DENND3: variants seen among roughly 807,000 people sequenced by gnomAD.
DENND3 encodes the protein DENN domain-containing protein 3.
A neutral mutation model predicts 135.1 loss-of-function variants in DENND3; 88 were observed. The observed-to-expected ratio is 0.65, with a 90% CI of 0.55 to 0.78. The LOEUF is 0.78. Ranked by LOEUF, DENND3 falls within the 30% of genes least tolerant of loss-of-function variation. The pLI is 0.00. For missense variants in DENND3, 1,392 were observed against 1,688.4 expected (o/e 0.82, Z 3.08); for synonymous variants, 693 against 712.3 (o/e 0.97, Z 0.43).
At chr8:141,140,319 C>T (rs1213694569) in intron 3 of DENND3, among the ~76,000 whole-genome samples, 1 of 152,184 alleles carries the variant, frequency 6.6e-6, no homozygotes, top group East Asian at 1.9e-4. Context: ...GTAGCTCCAG[C>T]TCCTCCCGGG....
chr8:141,182,930 G>A lies in DENND3; in HGVS notation c.2944+2076G>A, dbSNP rs540461063. On this transcript the variant is annotated intron_variant, in intron 17 of 22. Coordinates refer to ENST00000519811, the MANE Select transcript of DENND3 (RefSeq NM_001352890.3). The surrounding 1 kb of genome is among the most constrained non-coding windows in gnomAD (Gnocchi z 5.9). ...ATGGGAGCAACAGACCACTGGAATC[G>A]CACCCCAGAAAGACCGGGAGGCCTG... Among the ~76,000 whole-genome samples, 3 of 152,342 alleles carry A rather than the reference G, an allele frequency of 2.0e-5. No individual in the cohort carries two copies. Among genetic ancestry groups the A allele is most frequent in the South Asian group, 2.1e-4 (1 of 4,832 alleles).
chr8:141,158,344 G>A (rs994711449), intron 8 of DENND3: 4 of 1,226,712 alleles, frequency 3.3e-6, no homozygotes, highest in Non-Finnish European at 4.2e-6. Context: ...ATAGAACTGA[G>A]CTTTGTGAGA....
At chr8:141,176,280 AAC>A (rs1225570318) in intron 14 of DENND3, 9 of 217,958 alleles carry the variant, frequency 4.1e-5, no homozygotes, top group Admixed American at 1.8e-4. Context: ...AAAAAACAAA[AAC>A]AAAACAAAAA....
At chr8:141,135,398 C>T (rs371094653) in intron 1 of DENND3, among the ~76,000 whole-genome samples, 61 of 152,284 alleles carry the variant, frequency 4.0e-4, no homozygotes, top group African/African-American at 1.3e-3. Context: ...GCAGTCCTCC[C>T]GCTTTGGCCT....
rs1225044371 is a variant in DENND3 at position 141,161,080 on chromosome 8, AC to A, written c.1352+294del. 2.5e-3 allele frequency among the ~76,000 whole-genome samples: 356 copies of A among 144,786 alleles called. 3 individuals are homozygous for A. Among genetic ancestry groups the A allele is most frequent in the Admixed American group, 0.022 (321 of 14,620 alleles). The allele number at this position is 144,786 out of a possible 152,430, so 95.0% of individuals were successfully genotyped here. On this transcript the variant is annotated intron_variant, in intron 9 of 22. Coordinates refer to ENST00000519811, the MANE Select transcript of DENND3 (RefSeq NM_001352890.3). ...GTGACTGTGCCTTACTACCTTACTA[AC>A]GCCCTCTCCTGGTGACCCCCTGCAG...
rs917625435 is a variant in DENND3 at position 141,194,514 on chromosome 8, C to G, written c.*281C>G. On this transcript the variant is annotated 3_prime_UTR_variant, in exon 23 of 23. Transcript: ENST00000519811. ...GGTGATAACCTCTGCTGGGAGGTTA[C>G]TTTGTTGCCTAGAAAGTTCTGGAAT... 1 of 426,602 alleles carries G rather than the reference C, an allele frequency of 2.3e-6. No homozygotes were observed. Among genetic ancestry groups the G allele is most frequent in the Non-Finnish European group, 4.3e-6 (1 of 232,978 alleles). The allele number at this position is 426,602 out of a possible 1,614,324, so 26.4% of individuals were successfully genotyped here.
rs1167865586 is a variant in DENND3 at position 141,151,747 on chromosome 8, C to T, written c.984C>T (p.Pro328=). ...YPLQWQHPFV[P]ILSDQMLDFV... is the part of the protein sequence containing the mutation. ...TGCAGTGGCAGCACCCCTTCGTGCCCATCCTGTCGGACCAGATGCTGGATT... is the reference window on the plus strand; with the variant it reads ...TGCAGTGGCAGCACCCCTTCGTGCCTATCCTGTCGGACCAGATGCTGGATT... The change falls in exon 7 of 23, where the codon CCC becomes CCT. Residue 328 remains proline (P), a synonymous_variant. Coordinates refer to ENST00000519811, the MANE Select transcript of DENND3 (RefSeq NM_001352890.3). 7.4e-6 allele frequency: 12 copies of T among 1,614,214 alleles called. No individual in the cohort carries two copies. In the East Asian group the frequency reaches 2.7e-4, roughly 36 times the overall value.
rs770380609 is a variant in DENND3 at position 141,155,931 on chromosome 8, CTGA to C, written c.1160_1162del (p.Asp387del). ...TCCACGGACGATAACGTGGACATTC[CTGA>C]TGTCCCCCTCCTGGCAGCCCAGACG... On this transcript the variant is annotated inframe_deletion, in exon 8 of 23. Coordinates refer to ENST00000519811, the MANE Select transcript of DENND3 (RefSeq NM_001352890.3). 5 of 1,612,340 alleles carry C rather than the reference CTGA, an allele frequency of 3.1e-6. No homozygotes were observed. The Admixed American group carries it at 6.7e-5, about 22-fold the overall frequency.
chr8:141,151,763 A>G lies in DENND3; in HGVS notation c.1000A>G (p.Met334Val), dbSNP rs1287476990. The G allele has an allele frequency of 6.2e-7, 1 of 1,614,138 alleles. No homozygotes were observed. Among genetic ancestry groups the G allele is most frequent in the Admixed American group, 1.7e-5 (1 of 60,022 alleles). Reference protein sequence around the residue: ...HPFVPILSDQMLDFVMAPTSF... With the variant: ...HPFVPILSDQVLDFVMAPTSF... Reference sequence around the variant, plus strand: ...CTTCGTGCCCATCCTGTCGGACCAGATGCTGGATTTCGTCATGGCCCCCAC... The same window carrying G: ...CTTCGTGCCCATCCTGTCGGACCAGGTGCTGGATTTCGTCATGGCCCCCAC... Residue 334 changes from methionine (M) to valine (V), a missense_variant, in exon 7 of 23, where the codon ATG becomes GTG. Transcript: ENST00000519811.
chr8:141,145,818 TATATATATATATATATATATATATATATA>T lies in DENND3; in HGVS notation c.735+1560_735+1588del, dbSNP rs1446961450. On this transcript the variant is annotated intron_variant, in intron 5 of 22. Transcript: ENST00000519811. ...ATATTGAATATTATATATATATATA[TATATATATATATATATATATATATATATA>T]TATGTATTTTTTTTTTTTTGAGGCG... Among the ~76,000 whole-genome samples the T allele has an allele frequency of 1.3e-3, 38 of 30,210 alleles. 2 individuals carry two copies. Among genetic ancestry groups the T allele is most frequent in the African/African-American group, 9.7e-3 (37 of 3,816 alleles). 19.8% of individuals were successfully genotyped at this position (30,210 alleles called of 152,430 possible).
At chr8:141,173,662 CG>C (rs1785624948) in intron 13 of DENND3, 1 of 152,224 alleles carries the variant, frequency 6.6e-6, no homozygotes, top group Non-Finnish European at 1.5e-5. Flanking sequence ...CGGAACAGGG[CG>C]TGGCGGAGCT....
intron 8 of DENND3, among the ~76,000 whole-genome samples, chr8:141,159,256 C>T (rs1000191864): frequency 2.6e-5 from 4 of 152,222 alleles, no homozygotes; most frequent in African/African-American, 9.6e-5. Flanking sequence ...TTTCCTGTCC[C>T]TGCCTCCAGG....
rs545717154 is a variant in DENND3, at chr8:141,140,596, T to C, written c.502-607T>C. Among the ~76,000 whole-genome samples the C allele has an allele frequency of 2.0e-5, 3 of 152,340 alleles. No individual in the cohort carries two copies. The South Asian group carries it at 6.2e-4, about 32-fold the overall frequency. ...GATAGACAAATGATGTAGCTGACTG[T>C]TTCCTGATGTCTCCCTTTACCTGGA... On this transcript the variant is annotated intron_variant, in intron 3 of 22. Transcript: ENST00000519811.
At chr8:141,187,594 G>C (rs1824064998) in intron 18 of DENND3, among the ~76,000 whole-genome samples, 1 of 152,180 alleles carries the variant, frequency 6.6e-6, no homozygotes, top group African/African-American at 2.4e-5. Flanking sequence ...GGCACAGTAT[G>C]TGCTTGCAAA....
Position 141,145,828 on chromosome 8 carries a change from TATATATATATATATATATATA to T in DENND3, c.735+1570_735+1590del, listed in dbSNP as rs1237641622. ...TTATATATATATATATATATATATA[TATATATATATATATATATATA>T]TGTATTTTTTTTTTTTTGAGGCGGA... On this transcript the variant is annotated intron_variant, in intron 5 of 22. Coordinates refer to ENST00000519811, the MANE Select transcript of DENND3 (RefSeq NM_001352890.3). 7.1e-3 allele frequency among the ~76,000 whole-genome samples: 647 copies of T among 90,682 alleles called. 22 individuals are homozygous for T. The highest frequency in any genetic ancestry group is 0.045 in the East Asian group (95 of 2,118). 59.5% of individuals were successfully genotyped at this position (90,682 alleles called of 152,430 possible).
chr8:141,164,788 G>A (rs1228167981), intron 10 of DENND3, among the ~76,000 whole-genome samples: 1 of 152,184 alleles, frequency 6.6e-6, no homozygotes, highest in East Asian at 1.9e-4. Flanking sequence ...CTCAGTGCTG[G>A]AGCTGCGCCA....
In DENND3 at chr8:141,144,395, C is replaced by A; in HGVS notation, c.735+136C>A. The A allele has an allele frequency of 1.1e-6, 1 of 875,962 alleles. No homozygotes were observed. The highest frequency in any genetic ancestry group is 1.7e-6 in the Non-Finnish European group (1 of 605,280). 54.3% of individuals were successfully genotyped at this position (875,962 alleles called of 1,614,324 possible). ...CTAAAATAACATCCTAACCCCCCCG[C>A]CTCCCCACAGCTGACTGACTGGACC... On this transcript the variant is annotated intron_variant, in intron 5 of 22. Coordinates refer to ENST00000519811, the MANE Select transcript of DENND3 (RefSeq NM_001352890.3). The surrounding 1 kb of genome is among the most constrained non-coding windows in gnomAD (Gnocchi z 4.4).
At chr8:141,171,929 GT>G (rs1821629390) in intron 13 of DENND3, among the ~76,000 whole-genome samples, 1 of 151,480 alleles carries the variant, frequency 6.6e-6, no homozygotes, top group Non-Finnish European at 1.5e-5. Flanking sequence ...GGTGTGCATG[GT>G]GGTGGTGTGC....
At position 141,168,486 on chromosome 8, in the gene DENND3, G is replaced by A. The variant is rs200436717; in HGVS notation, c.2236G>A (p.Ala746Thr). Residue 746 changes from alanine to threonine, a missense_variant, in exon 13 of 23, where the codon GCC becomes ACC. Ala to Thr is a moderately conservative substitution (Grantham distance 58). Coordinates refer to ENST00000519811, the MANE Select transcript of DENND3 (RefSeq NM_001352890.3). This position sits in a 1 kb window ranked among gnomAD's most constrained non-coding sequence, Gnocchi z 6.2. Reference sequence around the variant, plus strand: ...CCAGGAGTCAGGGATCGTGAAGGACGCCAGCATCATACACCGGCTGTTCGA... The same window carrying A: ...CCAGGAGTCAGGGATCGTGAAGGACACCAGCATCATACACCGGCTGTTCGA... ...RVQESGIVKD[A>T]SIIHRLFEAL... is the part of the protein sequence containing the mutation. 10 of 1,612,948 alleles carry A rather than the reference G, an allele frequency of 6.2e-6. No homozygotes were observed. Among genetic ancestry groups the A allele is most frequent in the Admixed American group, 5.0e-5 (3 of 59,992 alleles).
Sources: gnomAD v4.1 joint callset for allele counts (sites outside exome capture counted in the v4.1 genomes callset) on GRCh38, gnomAD v4.1.1 for gene constraint, Gnocchi (gnomAD v3.1) non-coding constraint, MANE v1.5 for transcripts, NCBI Gene and HGNC (gene_info 2026-07-23, HGNC 2026-07-21) for gene names.